Variants in CSMD1 observed in about 807,000 individuals in gnomAD.
The protein encoded by CSMD1 is CUB and sushi domain-containing protein 1.
CSMD1 carries 213 observed loss-of-function variants against 417.5 expected under a neutral mutation model. The ratio of observed to expected loss-of-function variants is 0.51; its 90% CI spans 0.46 to 0.57. The LOEUF (loss-of-function observed/expected upper bound fraction) is 0.57. Ranked by LOEUF, CSMD1 falls within the 20% of genes least tolerant of loss-of-function variation. The pLI is 0.00. For missense variants in CSMD1, 6,923 were observed against 4,529.7 expected, an observed-to-expected ratio of 1.53 and a Z score of -15.17; for synonymous variants, 2,862 against 1,736.8, an observed-to-expected ratio of 1.65 and a Z score of -16.11.
chr8:4,548,369 C>G (rs565652661), intron 2 of CSMD1, among the ~76,000 whole-genome samples: 1 of 152,090 alleles, frequency 6.6e-6, no homozygotes, highest in African/African-American at 2.4e-5. Context: ...TTTTGTCGTT[C>G]ATTGAATATT....
At chr8:3,594,583 G>C (rs1055726859) in intron 8 of CSMD1, among the ~76,000 whole-genome samples, 5 of 152,150 alleles carry the variant, frequency 3.3e-5, no homozygotes, top group African/African-American at 1.2e-4. Context: ...CTACCTTCCT[G>C]TTTTGAAGTT....
At chr8:3,733,549 T>C (rs1005253235) in intron 6 of CSMD1, among the ~76,000 whole-genome samples, 2 of 152,052 alleles carry the variant, frequency 1.3e-5, no homozygotes, top group African/African-American at 2.4e-5. Flanking sequence ...AAAACAACTC[T>C]TAAGTTGTAA....
At chr8:3,378,646 A>G (rs533214505) in intron 18 of CSMD1, among the ~76,000 whole-genome samples, 12 of 152,272 alleles carry the variant, frequency 7.9e-5, no homozygotes, top group African/African-American at 2.9e-4. Context: ...AATGACAAAA[A>G]CCACATGATT....
chr8:4,520,443 G>A (rs954775399), intron 2 of CSMD1, among the ~76,000 whole-genome samples: 1 of 152,072 alleles, frequency 6.6e-6, no homozygotes, highest in Non-Finnish European at 1.5e-5. Flanking sequence ...CATTTGTAGT[G>A]GATAGGAAAT....
chr8:3,899,091 C>T (rs1030221720), intron 5 of CSMD1, among the ~76,000 whole-genome samples: 3 of 152,154 alleles, frequency 2.0e-5, no homozygotes, highest in African/African-American at 4.8e-5. Context: ...AAGGGTTCAT[C>T]TCTAGTTTTA....
rs555007056 is a variant in CSMD1 at position 4,099,104 on chromosome 8, T to C, written c.416-67005A>G. 5.9e-5 allele frequency among the ~76,000 whole-genome samples: 9 copies of C among 152,202 alleles called. No homozygotes were observed. The East Asian group carries it at 1.5e-3, about 26-fold the overall frequency. ...CATTATTTTCATCTGTTTTTTTCTT[T>C]TTTTGTCCATCTCTGCTACCAGTGG... On this transcript the variant is annotated intron_variant, in intron 3 of 69. Coordinates refer to ENST00000635120, the MANE Select transcript of CSMD1 (RefSeq NM_033225.6).
At chr8:4,381,282 A>G (rs1563114280) in intron 3 of CSMD1, among the ~76,000 whole-genome samples, 1 of 152,192 alleles carries the variant, frequency 6.6e-6, no homozygotes, top group East Asian at 1.9e-4. Context: ...ACAGCCTTCC[A>G]GAGGTTGGGG....
At chr8:4,279,947 T>C (rs997594478) in intron 3 of CSMD1, among the ~76,000 whole-genome samples, 9 of 152,208 alleles carry the variant, frequency 5.9e-5, no homozygotes, top group African/African-American at 2.2e-4. Context: ...ACAAGAAAAG[T>C]ACATAGGGGC....
At chr8:3,855,138 A>G (rs1024544224) in intron 5 of CSMD1, among the ~76,000 whole-genome samples, 19 of 152,174 alleles carry the variant, frequency 1.2e-4, no homozygotes, top group Admixed American at 7.9e-4. Flanking sequence ...TGTACTCTCT[A>G]TTTTCATAAT....
chr8:4,241,728 G>C (rs1802418156), intron 3 of CSMD1, among the ~76,000 whole-genome samples: 1 of 149,050 alleles, frequency 6.7e-6, no homozygotes, highest in East Asian at 2.0e-4. Flanking sequence ...TTTTGAGACG[G>C]AGTCTCGCTC....
chr8:3,109,123 G>A (rs895092725), intron 43 of CSMD1, among the ~76,000 whole-genome samples: 32 of 152,084 alleles, frequency 2.1e-4, no homozygotes, highest in African/African-American at 7.5e-4. Context: ...AAATTAGCTG[G>A]GCCTGGTGGC....
intron 1 of CSMD1, among the ~76,000 whole-genome samples, chr8:4,762,152 C>T (rs557770041): frequency 2.0e-5 from 3 of 151,974 alleles, no homozygotes; most frequent in Non-Finnish European, 4.4e-5. Context: ...GGTAAGATGT[C>T]ACCACCTAGC....
intron 3 of CSMD1, among the ~76,000 whole-genome samples, chr8:4,057,486 C>T (rs571279331): frequency 1.3e-5 from 2 of 152,092 alleles, no homozygotes; most frequent in Non-Finnish European, 2.9e-5. Context: ...TGTAGGTTGC[C>T]TGTTCATTCT....
chr8:4,549,896 C>A (rs113220796), intron 2 of CSMD1, among the ~76,000 whole-genome samples: 31,223 of 89,098 alleles, frequency 0.35, 5,399 homozygotes, highest in Admixed American at 0.48. Flanking sequence ...GACTTTGTCT[C>A]AAAAAAAAAA....
chr8:4,051,107 G>A (rs1302525541), intron 3 of CSMD1, among the ~76,000 whole-genome samples: 1 of 151,710 alleles, frequency 6.6e-6, no homozygotes, highest in East Asian at 1.9e-4. Context: ...TATTGAAAGG[G>A]AGAACCAGGA....
rs988947779 is a variant in CSMD1 at position 3,000,197 on chromosome 8, A to G, written c.8030-66T>C. The G allele has an allele frequency of 5.0e-6, 6 of 1,190,442 alleles. No individual in the cohort carries two copies. In the Admixed American group the frequency reaches 1.5e-4, roughly 30 times the overall value. The allele number at this position is 1,190,442 out of a possible 1,614,324, so 73.7% of individuals were successfully genotyped here. ...CATTTATAAAAGTAGTACATTCACA[A>G]CTTTTATTATCAAGTCAATAACAGT... On this transcript the variant is annotated intron_variant, in intron 52 of 69. Coordinates refer to ENST00000635120, the MANE Select transcript of CSMD1 (RefSeq NM_033225.6).
intron 2 of CSMD1, among the ~76,000 whole-genome samples, chr8:4,432,030 T>A (rs1203530279): frequency 6.6e-6 from 1 of 152,004 alleles, no homozygotes; most frequent in Non-Finnish European, 1.5e-5. Flanking sequence ...CCTGCAAAAA[T>A]GTGTAAGGAG....
chr8:4,093,149 G>C (rs776342794), intron 3 of CSMD1, among the ~76,000 whole-genome samples: 11 of 152,130 alleles, frequency 7.2e-5, no homozygotes, highest in Non-Finnish European at 1.6e-4. Flanking sequence ...AAGTCATATT[G>C]ACTGTTTGCA....
rs1181702513 is a variant in CSMD1 at position 3,308,359 on chromosome 8, A to G, written c.3776T>C (p.Leu1259Ser). Residue 1259 changes from leucine to serine, a missense_variant, in exon 24 of 70, where the codon TTG becomes TCG. Coordinates refer to ENST00000635120, the MANE Select transcript of CSMD1 (RefSeq NM_033225.6). The stretch of plus-strand genomic sequence containing the variant: ...GTCCCACACTCTCCTGTCTCCACTC[A>G]AACAGGTCAGGGTGTTGCTGCCATG... ...AMHGSNTLTC[L>S]SGDRRVWDKP... is the part of the protein sequence containing the mutation. 2.5e-6 allele frequency: 4 copies of G among 1,613,462 alleles called. No individual in the cohort carries two copies. The highest frequency in any genetic ancestry group is 3.4e-6 in the Non-Finnish European group (4 of 1,179,642).
Sources: gnomAD v4.1 joint callset for allele counts (sites outside exome capture counted in the v4.1 genomes callset) on GRCh38, gnomAD v4.1.1 for gene constraint, MANE v1.5 for transcripts, NCBI Gene and HGNC (gene_info 2026-07-23, HGNC 2026-07-21) for gene names.